The following SLBP variants were observed in gnomAD, a reference collection of about 807,000 sequenced individuals.
The protein encoded by SLBP is stem-loop histone mRNA binding protein.
Under a neutral mutation model 39.2 loss-of-function variants are expected in SLBP, and 29 were observed. The observed-to-expected ratio is 0.74, with a 90% CI of 0.55 to 1.01. The LOEUF is 1.01. SLBP is among the 50% of genes least tolerant of loss of function. The pLI is 0.00. For synonymous variants in SLBP, 129 were observed against 118.7 expected (o/e 1.09, Z -0.57); for missense variants, 390 against 350.2 (o/e 1.11, Z -0.91).
intron 3 of SLBP, among the ~76,000 whole-genome samples, chr4:1,701,993 A>T (rs571463243): frequency 1.3e-5 from 2 of 152,332 alleles, no homozygotes; most frequent in African/African-American, 4.8e-5. Flanking sequence ...CTGTTTTCCA[A>T]AACAGGACAA....
At chr4:1,704,870 A>C (rs1220808316) in intron 2 of SLBP, among the ~76,000 whole-genome samples, 2 of 152,148 alleles carry the variant, frequency 1.3e-5, no homozygotes, top group African/African-American at 4.8e-5. Context: ...TATACTAAAC[A>C]GTATGATCCT....
intron 6 of SLBP, 90 bp from the exon 7 acceptor site, chr4:1,694,930 C>A: frequency 1.2e-6 from 1 of 856,612 alleles, no homozygotes; most frequent in Non-Finnish European, 2.0e-6. Flanking sequence ...CCATATGGTA[C>A]AGCCACAACA....
chr4:1,712,305 G>A lies in SLBP; in HGVS notation c.-117C>T. On this transcript the variant is annotated 5_prime_UTR_variant, in exon 1 of 8. Coordinates refer to ENST00000489418, the MANE Select transcript of SLBP (RefSeq NM_006527.4). ...GGCAGAAACCCGCGTCCCCGCGCCGGCGCTCACGAGCTCTGCGCGCCCCGC... is the reference window on the plus strand; with the variant it reads ...GGCAGAAACCCGCGTCCCCGCGCCGACGCTCACGAGCTCTGCGCGCCCCGC... The A allele has an allele frequency of 1.7e-6, 1 of 573,828 alleles. No individual in the cohort carries two copies. Among genetic ancestry groups the A allele is most frequent in the South Asian group, 3.1e-5 (1 of 31,796 alleles). The allele number at this position is 573,828 out of a possible 1,614,324, so 35.5% of individuals were successfully genotyped here. A position where few individuals can be genotyped will look rare whatever the true frequency, so the allele number is the denominator to read the frequency against.
chr4:1,701,141 TTTTTC>T (rs1050973420), intron 3 of SLBP, among the ~76,000 whole-genome samples: 4 of 128,666 alleles, frequency 3.1e-5, no homozygotes, highest in African/African-American at 1.0e-4. Context: ...CATTTTCTTT[TTTTTC>T]TTTTTTTTTT....
intron 3 of SLBP, among the ~76,000 whole-genome samples, chr4:1,702,108 T>C (rs777457603): frequency 2.0e-5 from 3 of 152,194 alleles, no homozygotes; most frequent in Non-Finnish European, 2.9e-5. Context: ...AGATAACCCC[T>C]GGCAAGGGGT....
chr4:1,704,664 T>C (rs1716451318), intron 2 of SLBP, among the ~76,000 whole-genome samples: 1 of 152,160 alleles, frequency 6.6e-6, no homozygotes, highest in Non-Finnish European at 1.5e-5. Flanking sequence ...ACAGAGGGAT[T>C]CGCTGTCATA....
chr4:1,707,562 T>G, intron 2 of SLBP, among the ~76,000 whole-genome samples: 1 of 152,150 alleles, frequency 6.6e-6, no homozygotes, highest in Non-Finnish European at 1.5e-5. Flanking sequence ...ATTCTGGCAG[T>G]TCAAATTGAT....
Position 1,696,325 on chromosome 4 carries a change from G to T in SLBP, c.506C>A (p.Pro169His). ...CTTCTTAAATTTATTAGGGGTCTTG[G>T]GATGAATGCCAGGTTGTCGAAGGTG... ...PRHLRQPGIHPKTPNKFKKYS... is the reference protein window; with the variant it reads ...PRHLRQPGIHHKTPNKFKKYS... The change falls in exon 6 of 8, where the codon CCC becomes CAC. Residue 169 changes from proline to histidine, a missense_variant. Pro to His is a moderately conservative substitution (Grantham distance 77, BLOSUM62 -2). Transcript: ENST00000489418. 1 of 1,591,014 alleles carries T rather than the reference G, an allele frequency of 6.3e-7. No homozygotes were observed. Among genetic ancestry groups the T allele is most frequent in the Non-Finnish European group, 8.6e-7 (1 of 1,169,470 alleles).
Position 1,711,900 on chromosome 4 carries a change from G to A in SLBP, c.150C>T (p.His50=), listed in dbSNP as rs1295688094. The change falls in exon 2 of 8, where the codon CAC becomes CAT. Residue 50 remains histidine (H), a synonymous_variant. Transcript: ENST00000489418. ...WRPEDAEEAE[H]RGAERRPESF... The stretch of plus-strand genomic sequence containing the variant: ...TCTCGGGTCTGCGCTCGGCGCCGCG[G>A]TGCTCTGCCTCCTCGGCGTCTTCGG... 9 of 1,368,034 alleles carry A rather than the reference G, an allele frequency of 6.6e-6. No homozygotes were observed. Among genetic ancestry groups the A allele is most frequent in the Admixed American group, 6.7e-5 (2 of 29,906 alleles). The allele number at this position is 1,368,034 out of a possible 1,614,324, so 84.7% of individuals were successfully genotyped here. A position where few individuals can be genotyped will look rare whatever the true frequency, so the allele number is the denominator to read the frequency against.
intron 5 of SLBP, among the ~76,000 whole-genome samples, chr4:1,698,652 T>G (rs1180505341): frequency 1.3e-5 from 2 of 151,046 alleles, no homozygotes; most frequent in Non-Finnish European, 2.9e-5. Flanking sequence ...GCCCAGCAAA[T>G]TTCTTGTATT....
chr4:1,700,158 G>C, intron 3 of SLBP, 88 bp from the exon 4 acceptor site: 1 of 827,378 alleles, frequency 1.2e-6, no homozygotes, highest in Non-Finnish European at 2.0e-6. Context: ...GATGCCCGCA[G>C]GCACACCATC....
intron 4 of SLBP, 83 bp downstream of exon 4, chr4:1,699,928 G>A (rs1716260742): frequency 7.9e-6 from 8 of 1,014,018 alleles, no homozygotes; most frequent in Non-Finnish European, 1.2e-5. Flanking sequence ...GCGACAGTCA[G>A]CATTTCTGAC....
Position 1,693,522 on chromosome 4 carries a change from C to T in SLBP, c.*75G>A, listed in dbSNP as rs1252278831. The T allele has an allele frequency of 1.2e-5, 10 of 845,882 alleles. No homozygotes were observed. The highest frequency in any genetic ancestry group is 8.3e-5 in the African/African-American group (5 of 60,422). The allele number at this position is 845,882 out of a possible 1,614,324, so 52.4% of individuals were successfully genotyped here. ...AGAAACCACCAGGTACAAGTGCACA[C>T]ACATGCTTGGTGCCTGGCCAGCCTT... On this transcript the variant is annotated 3_prime_UTR_variant, in exon 8 of 8. Coordinates refer to ENST00000489418, the MANE Select transcript of SLBP (RefSeq NM_006527.4).
At position 1,711,939 on chromosome 4, in the gene SLBP, G is replaced by A; in HGVS notation, c.111C>T (p.Gly37=). The A allele has an allele frequency of 1.5e-6, 2 of 1,346,782 alleles. No homozygotes were observed. Among genetic ancestry groups the A allele is most frequent in the South Asian group, 3.5e-5 (2 of 56,742 alleles). The allele number at this position is 1,346,782 out of a possible 1,614,324, so 83.4% of individuals were successfully genotyped here. A position where few individuals can be genotyped will look rare whatever the true frequency, so the allele number is the denominator to read the frequency against. ...CGGCGTCTTCGGGCCTCCAGCGCCT[G>A]CCGTCGGCTCTGCGCTTCCGTCCCA... ...WSLGRKRRAD[G]RRWRPEDAEE... The change falls in exon 2 of 8, where the codon GGC becomes GGT. Residue 37 remains glycine (G), a synonymous_variant. Transcript: ENST00000489418.
intron 2 of SLBP, among the ~76,000 whole-genome samples, chr4:1,704,003 T>C (rs1003754573): frequency 2.0e-5 from 3 of 152,158 alleles, no homozygotes; most frequent in Admixed American, 1.3e-4. Flanking sequence ...ATGTAGAACA[T>C]AACCTATCAG....
intron 3 of SLBP, among the ~76,000 whole-genome samples, chr4:1,702,843 A>C (rs990171315): frequency 6.6e-6 from 1 of 152,190 alleles, no homozygotes; most frequent in Non-Finnish European, 1.5e-5. Flanking sequence ...TTGTTGCCTA[A>C]GCCAAGTGTC....
chr4:1,705,612 T>C (rs1208059053), intron 2 of SLBP, among the ~76,000 whole-genome samples: 3 of 152,214 alleles, frequency 2.0e-5, no homozygotes, highest in African/African-American at 7.2e-5. Context: ...TGTAAATATT[T>C]ACTGAGACTG....
chr4:1,706,592 G>A (rs903769750), intron 2 of SLBP, among the ~76,000 whole-genome samples: 25 of 152,138 alleles, frequency 1.6e-4, no homozygotes, highest in African/African-American at 6.0e-4. Flanking sequence ...GACTGCCTGG[G>A]CTCAGGAGTT....
chr4:1,711,051 TAAAAAAAAAAAA>T (rs34503092), intron 2 of SLBP, among the ~76,000 whole-genome samples: 3 of 121,512 alleles, frequency 2.5e-5, no homozygotes, highest in Admixed American at 8.8e-5. Context: ...ACCCTGTCTT[TAAAAAAAAAAAA>T]AAAAAAAAAA....
Sources: allele counts gnomAD v4.1 joint callset (sites outside exome capture counted in the v4.1 genomes callset), GRCh38; gene constraint gnomAD v4.1.1; transcripts MANE v1.5; gene names NCBI Gene and HGNC (gene_info 2026-07-23, HGNC 2026-07-21).